Variants in EVI5 observed in about 807,000 individuals in gnomAD.
EVI5 encodes ecotropic viral integration site 5, also known as ecotropic viral integration site 5 protein homolog.
A neutral mutation model predicts 112.0 loss-of-function variants in EVI5; 73 were observed. The observed-to-expected ratio is 0.65, with a 90% CI of 0.54 to 0.79. The LOEUF is 0.79. Ranked by LOEUF, EVI5 falls within the 30% of genes least tolerant of loss-of-function variation. The probability of loss-of-function intolerance (pLI) is 0.00; values close to 1 mark genes in which losing one functional copy is unlikely to be tolerated. For synonymous variants in EVI5, 305 were observed against 319.9 expected, an observed-to-expected ratio of 0.95 and a Z score of 0.50; for missense variants, 900 against 968.8, an observed-to-expected ratio of 0.93 and a Z score of 0.94.
chr1:92,786,943 C>T (rs150947940), upstream of EVI5, among the ~76,000 whole-genome samples: 689 of 152,270 alleles, frequency 4.5e-3, 5 homozygotes, highest in South Asian at 0.013. Context: ...TTGCTCTGTG[C>T]CCAGAAAGTT....
At chr1:92,713,923 G>T in intron 2 of EVI5, 2 of 560,016 alleles carry the variant, frequency 3.6e-6, no homozygotes, top group Non-Finnish European at 4.5e-6. Flanking sequence ...CGCAAATAAT[G>T]GCTCACTCAA....
chr1:92,668,386 A>C (rs1456737075), intron 10 of EVI5, among the ~76,000 whole-genome samples: 1 of 152,218 alleles, frequency 6.6e-6, no homozygotes, highest in Non-Finnish European at 1.5e-5. Context: ...AAATGCTGCT[A>C]AAGTCTAGAG....
intron 18 of EVI5, among the ~76,000 whole-genome samples, chr1:92,566,212 G>C (rs1669457711): frequency 6.6e-6 from 1 of 152,166 alleles, no homozygotes; most frequent in South Asian, 2.1e-4. Flanking sequence ...GCCTGCTGAA[G>C]TGGTTTAGTG....
chr1:92,552,793 C>T (rs995008920), intron 19 of EVI5, among the ~76,000 whole-genome samples: 1 of 152,058 alleles, frequency 6.6e-6, no homozygotes, highest in African/African-American at 2.4e-5. Context: ...TACTTGGTTT[C>T]TTACATTTTT....
chr1:92,598,855 T>C (rs1326145761), intron 18 of EVI5, among the ~76,000 whole-genome samples: 1 of 152,148 alleles, frequency 6.6e-6, no homozygotes, highest in Non-Finnish European at 1.5e-5. Context: ...TTAAGTTCAC[T>C]GTAAGACGCG....
intron 10 of EVI5, among the ~76,000 whole-genome samples, chr1:92,674,142 A>C (rs1279373174): frequency 6.6e-6 from 1 of 152,152 alleles, no homozygotes; most frequent in Non-Finnish European, 1.5e-5. Context: ...GAGTGTGTGT[A>C]AGAAGTAGCA....
intron 18 of EVI5, among the ~76,000 whole-genome samples, chr1:92,587,120 T>G (rs1189667360): frequency 6.6e-6 from 1 of 152,040 alleles, no homozygotes; most frequent in East Asian, 1.9e-4. Flanking sequence ...TGTACTGAAG[T>G]TGGACACGAA....
At chr1:92,670,925 C>T (rs1479968468) in intron 10 of EVI5, among the ~76,000 whole-genome samples, 1 of 152,060 alleles carries the variant, frequency 6.6e-6, no homozygotes, top group Admixed American at 6.6e-5. Context: ...CCTAACTTCG[C>T]ACTAAATTCC....
At chr1:92,535,474 C>T (rs546192322) in intron 19 of EVI5, among the ~76,000 whole-genome samples, 7 of 152,252 alleles carry the variant, frequency 4.6e-5, no homozygotes, top group African/African-American at 1.7e-4. Flanking sequence ...TTTACTGCGG[C>T]ACTGTTCATG....
At position 92,662,857 on chromosome 1, in the gene EVI5, C is replaced by T; in HGVS notation, c.1254G>A (p.Val418=). 1 of 1,285,178 alleles carries T rather than the reference C, an allele frequency of 7.8e-7. No individual in the cohort carries two copies. Among genetic ancestry groups the T allele is most frequent in the Non-Finnish European group, 1.0e-6 (1 of 987,508 alleles). 79.6% of individuals were successfully genotyped at this position (1,285,178 alleles called of 1,614,324 possible). A position where few individuals can be genotyped will look rare whatever the true frequency, so the allele number is the denominator to read the frequency against. ...SLADRLIQGQ[V]TRAQEAEENY... ...TTTCCTCAGCCTCCTGGGCTCTTGT[C>T]ACTTGTCCCTTAGGACATAATTTTT... The change falls in exon 13 of 20, where the codon GTG becomes GTA. Residue 418 remains valine (V), a synonymous_variant. Coordinates refer to ENST00000684568, the MANE Select transcript of EVI5 (RefSeq NM_001350197.2).
At chr1:92,741,067 G>A (rs765004260) in intron 1 of EVI5, among the ~76,000 whole-genome samples, 1 of 152,094 alleles carries the variant, frequency 6.6e-6, no homozygotes, top group African/African-American at 2.4e-5. Flanking sequence ...CATTTAAATC[G>A]CACCAGGTAC....
At chr1:92,696,175 G>C (rs1670292917) in intron 6 of EVI5, among the ~76,000 whole-genome samples, 1 of 151,974 alleles carries the variant, frequency 6.6e-6, no homozygotes, top group African/African-American at 2.4e-5. Flanking sequence ...CAAGTGACCT[G>C]TCCACCTCAG....
intron 19 of EVI5, among the ~76,000 whole-genome samples, chr1:92,524,110 GA>G (rs1029393625): frequency 3.2e-3 from 114 of 35,184 alleles, no homozygotes; most frequent in Middle Eastern, 0.022. Flanking sequence ...AAAAATAAAA[GA>G]AAAAAAAAAA....
At chr1:92,591,970 G>A (rs995774707) in intron 18 of EVI5, among the ~76,000 whole-genome samples, 2 of 152,162 alleles carry the variant, frequency 1.3e-5, no homozygotes, top group East Asian at 1.9e-4. Context: ...CAAGCCGGGC[G>A]CGGTGGCTCA....
At chr1:92,759,424 T>A (rs1236692963) in intron 1 of EVI5, among the ~76,000 whole-genome samples, 1 of 152,206 alleles carries the variant, frequency 6.6e-6, no homozygotes, top group Admixed American at 6.5e-5. Flanking sequence ...AACTGTGAAC[T>A]AGCTACAAGT....
In EVI5 at chr1:92,647,483, T is replaced by G. The variant is rs1661195239; in HGVS notation, c.1393-11147A>C. The stretch of plus-strand genomic sequence containing the variant: ...ATTTCACCACATTTAGGATTCTCTT[T>G]GCCAGACACTGTCTTCCACCTCTCA... On this transcript the variant is annotated intron_variant, in intron 13 of 19. Coordinates refer to ENST00000684568, the MANE Select transcript of EVI5 (RefSeq NM_001350197.2). 3 of 464,324 alleles carry G rather than the reference T, an allele frequency of 6.5e-6. 1 individual carries two copies. In the South Asian group the frequency reaches 8.1e-5, roughly 13 times the overall value. The allele number at this position is 464,324 out of a possible 1,614,324, so 28.8% of individuals were successfully genotyped here.
rs150889236 is a variant in EVI5, at chr1:92,680,252, C to T, written c.1098-3034G>A. Among the ~76,000 whole-genome samples, 27 of 152,166 alleles carry T rather than the reference C, an allele frequency of 1.8e-4. No homozygotes were observed. In the East Asian group the frequency reaches 4.6e-3, roughly 26 times the overall value. On this transcript the variant is annotated intron_variant, in intron 9 of 19. Transcript: ENST00000684568. The stretch of plus-strand genomic sequence containing the variant: ...TCTCTGGAGAAATAGCTCATTACTG[C>T]GCAGGAGCCAAGAAGGTATAAGTTG...
intron 1 of EVI5, among the ~76,000 whole-genome samples, chr1:92,777,232 C>A (rs1040117584): frequency 5.3e-5 from 8 of 152,338 alleles, no homozygotes; most frequent in African/African-American, 1.9e-4. Context: ...GCCACCACCA[C>A]GCCCGGCCCA....
chr1:92,731,583 G>C (rs1676479348), intron 2 of EVI5, among the ~76,000 whole-genome samples: 1 of 152,200 alleles, frequency 6.6e-6, no homozygotes, highest in South Asian at 2.1e-4. Context: ...GGGATGCCAA[G>C]GACCAAAAAT....
Sources: gnomAD v4.1 joint callset for allele counts (sites outside exome capture counted in the v4.1 genomes callset) on GRCh38, gnomAD v4.1.1 for gene constraint, MANE v1.5 for transcripts, NCBI Gene and HGNC (gene_info 2026-07-23, HGNC 2026-07-21) for gene names.